Variants in TMEM132D observed in about 807,000 individuals in gnomAD.
The protein encoded by TMEM132D is transmembrane protein 132D, also known as mature OL transmembrane protein.
TMEM132D carries 21 observed loss-of-function variants against 62.3 expected under a neutral mutation model. That is an observed-to-expected ratio of 0.34 (90% CI 0.24 to 0.49). The LOEUF (loss-of-function observed/expected upper bound fraction) is 0.49, where lower values mean the gene tolerates loss of function less well. TMEM132D is among the 20% of genes least tolerant of loss of function. The pLI is 0.99. For synonymous variants in TMEM132D, 621 were observed against 575.6 expected (o/e 1.08, Z -1.13); for missense variants, 1,346 against 1,402.8 (o/e 0.96, Z 0.65).
At chr12:129,256,447 G>A (rs778057394) in intron 4 of TMEM132D, among the ~76,000 whole-genome samples, 2 of 152,026 alleles carry the variant, frequency 1.3e-5, no homozygotes, top group Non-Finnish European at 2.9e-5. Context: ...TAGAAACAGA[G>A]TCTTGCTCTG....
At chr12:129,502,911 CTTAT>C (rs1255093537) in intron 3 of TMEM132D, among the ~76,000 whole-genome samples, 2 of 152,188 alleles carry the variant, frequency 1.3e-5, no homozygotes, top group Non-Finnish European at 2.9e-5. Context: ...TGTTCCCAGG[CTTAT>C]TTATTTGTTC....
At chr12:129,449,067 G>A (rs1270486863) in intron 3 of TMEM132D, among the ~76,000 whole-genome samples, 1 of 152,108 alleles carries the variant, frequency 6.6e-6, no homozygotes, top group East Asian at 1.9e-4. Flanking sequence ...CCACCTTCTT[G>A]TTTGTTTTTC....
chr12:129,781,623 T>C (rs1224698074), intron 1 of TMEM132D, among the ~76,000 whole-genome samples: 2 of 152,190 alleles, frequency 1.3e-5, no homozygotes, highest in East Asian at 3.9e-4. Flanking sequence ...AAGTGGCTGC[T>C]TTGGTTACCA....
intron 3 of TMEM132D, among the ~76,000 whole-genome samples, chr12:129,357,206 C>T (rs1870092346): frequency 6.8e-6 from 1 of 146,406 alleles, no homozygotes. Context: ...GAGATTGTAC[C>T]ACTGCACTCC....
chr12:129,665,061 C>T (rs1487118541), intron 2 of TMEM132D, among the ~76,000 whole-genome samples: 1 of 152,138 alleles, frequency 6.6e-6, no homozygotes, highest in Non-Finnish European at 1.5e-5. Context: ...TACTAACACA[C>T]AGTTAGTGTT....
intron 5 of TMEM132D, among the ~76,000 whole-genome samples, chr12:129,130,208 G>C (rs1876334004): frequency 6.6e-6 from 1 of 152,016 alleles, no homozygotes; most frequent in African/African-American, 2.4e-5. Context: ...CACCCTGCAG[G>C]CAGCATGCTA....
intron 4 of TMEM132D, among the ~76,000 whole-genome samples, chr12:129,270,070 A>C (rs1880811280): frequency 6.6e-6 from 1 of 152,174 alleles, no homozygotes; most frequent in South Asian, 2.1e-4. Context: ...GAATCTGATA[A>C]GCTCTGGCTT....
At chr12:129,645,146 C>T (rs757731245) in intron 2 of TMEM132D, among the ~76,000 whole-genome samples, 10 of 152,120 alleles carry the variant, frequency 6.6e-5, no homozygotes, top group Non-Finnish European at 8.8e-5. Flanking sequence ...AGCTTTCCAT[C>T]CCTTTCCTGG....
At chr12:129,872,148 T>G (rs1367198921) in intron 1 of TMEM132D, among the ~76,000 whole-genome samples, 1 of 152,226 alleles carries the variant, frequency 6.6e-6, no homozygotes, top group Non-Finnish European at 1.5e-5. Flanking sequence ...TTTAGTGACG[T>G]CTCAGTGTCA....
rs1387610414 is a variant in TMEM132D, at chr12:129,089,529, C to CG, written c.1444-4828dup. Among the ~76,000 whole-genome samples the CG allele has an allele frequency of 6.6e-5, 4 of 60,416 alleles. 1 individual carries two copies. Among genetic ancestry groups the CG allele is most frequent in the East Asian group, 2.8e-3 (2 of 722 alleles). The allele number at this position is 60,416 out of a possible 152,430, so 39.6% of individuals were successfully genotyped here. A position where few individuals can be genotyped will look rare whatever the true frequency, so the allele number is the denominator to read the frequency against. Reference sequence around the variant, plus strand: ...TCTATGACCGGGTGTCCTCCATGACCGGGTGTCCTCCATGACCGGGTGTCC... The same window carrying CG: ...TCTATGACCGGGTGTCCTCCATGACCGGGGTGTCCTCCATGACCGGGTGTCC... On this transcript the variant is annotated intron_variant, in intron 5 of 8. Transcript: ENST00000422113.
At chr12:129,694,186 T>G (rs1039515613) in intron 2 of TMEM132D, among the ~76,000 whole-genome samples, 1 of 152,214 alleles carries the variant, frequency 6.6e-6, no homozygotes, top group Non-Finnish European at 1.5e-5. Context: ...GCCCTGGAAG[T>G]GAACATCAAC....
chr12:129,391,502 C>G (rs1044364873), intron 3 of TMEM132D, among the ~76,000 whole-genome samples: 2 of 152,148 alleles, frequency 1.3e-5, no homozygotes, highest in African/African-American at 4.8e-5. Context: ...ACCTCACCCT[C>G]GAAAGGTTCT....
intron 2 of TMEM132D, among the ~76,000 whole-genome samples, chr12:129,534,450 A>G (rs1203677576): frequency 6.6e-6 from 1 of 151,194 alleles, no homozygotes; most frequent in African/African-American, 2.4e-5. Context: ...TATAAATGCA[A>G]TTTGTATATA....
At chr12:129,298,862 G>A (rs1455122959) in intron 4 of TMEM132D, among the ~76,000 whole-genome samples, 1 of 151,892 alleles carries the variant, frequency 6.6e-6, no homozygotes, top group Non-Finnish European at 1.5e-5. Context: ...CCCCGTCAAA[G>A]GCTCTTCTTT....
intron 1 of TMEM132D, among the ~76,000 whole-genome samples, chr12:129,815,580 T>C (rs1453482325): frequency 6.6e-6 from 1 of 152,174 alleles, no homozygotes; most frequent in East Asian, 1.9e-4. Context: ...AATCAGACCA[T>C]TGCAAGCACA....
chr12:129,758,936 CTTTT>C (rs570116732), intron 1 of TMEM132D, among the ~76,000 whole-genome samples: 4 of 138,312 alleles, frequency 2.9e-5, no homozygotes, highest in African/African-American at 1.0e-4. Flanking sequence ...TTCTTTCTTT[CTTTT>C]TTTTTTTTTT....
rs115572110 is a variant in TMEM132D, at chr12:129,319,541, C to T, written c.1299+18093G>A. ...AAAGTGACTGTGAGTAATGTGATCA[C>T]ATTTCTGAATTATCAATAAATAGAT... On this transcript the variant is annotated intron_variant, in intron 4 of 8. Coordinates refer to ENST00000422113, the MANE Select transcript of TMEM132D (RefSeq NM_133448.3). Among the ~76,000 whole-genome samples, 607 of 152,262 alleles carry T rather than the reference C, an allele frequency of 4.0e-3. 2 individuals carry two copies. Among genetic ancestry groups the T allele is most frequent in the African/African-American group, 0.01 (420 of 41,544 alleles).
chr12:129,400,655 C>T (rs1418021642), intron 3 of TMEM132D, among the ~76,000 whole-genome samples: 1 of 152,136 alleles, frequency 6.6e-6, no homozygotes, highest in East Asian at 1.9e-4. Flanking sequence ...TAATGAACCT[C>T]AGCATCCAAT....
At chr12:129,760,682 A>C (rs543519333) in intron 1 of TMEM132D, among the ~76,000 whole-genome samples, 73 of 150,716 alleles carry the variant, frequency 4.8e-4, no homozygotes, top group African/African-American at 1.7e-3. Context: ...TCTGGGATAC[A>C]TGTGCAGAAT....
Sources: gnomAD v4.1 joint callset for allele counts (sites outside exome capture counted in the v4.1 genomes callset) on GRCh38, gnomAD v4.1.1 for gene constraint, MANE v1.5 for transcripts, NCBI Gene and HGNC (gene_info 2026-07-23, HGNC 2026-07-21) for gene names.